NXPH1: variants seen among roughly 807,000 people sequenced by gnomAD.
The protein encoded by NXPH1 is neurexophilin 1.
Under a neutral mutation model 23.7 loss-of-function variants are expected in NXPH1, and 5 were observed. The observed-to-expected ratio is 0.21, with a 90% CI of 0.11 to 0.44. The LOEUF (loss-of-function observed/expected upper bound fraction) is 0.44, where lower values mean the gene tolerates loss of function less well. Ranked by LOEUF, NXPH1 falls within the 20% of genes least tolerant of loss-of-function variation. The pLI, the probability that NXPH1 is intolerant of heterozygous loss-of-function variation, is 0.99. For missense variants in NXPH1, 324 were observed against 321.6 expected (o/e 1.01, Z -0.06); for synonymous variants, 144 against 122.2 (o/e 1.18, Z -1.18).
At chr7:8,746,129 A>G (rs1383168739) in intron 2 of NXPH1, among the ~76,000 whole-genome samples, 5 of 152,168 alleles carry the variant, frequency 3.3e-5, no homozygotes, top group Non-Finnish European at 7.3e-5. Flanking sequence ...ATTCCACTCA[A>G]TATTCTTGTA....
intron 2 of NXPH1, among the ~76,000 whole-genome samples, chr7:8,703,024 G>T (rs920056765): frequency 3.9e-5 from 6 of 152,086 alleles, no homozygotes; most frequent in African/African-American, 1.4e-4. Context: ...GGGCACATGA[G>T]GAGGCTAGAC....
intron 2 of NXPH1, among the ~76,000 whole-genome samples, chr7:8,739,236 G>C (rs973368537): frequency 7.0e-6 from 1 of 142,660 alleles, no homozygotes; most frequent in Non-Finnish European, 1.5e-5. Flanking sequence ...TGCCCAAATG[G>C]CCACCCAGTT....
At position 8,726,338 on chromosome 7, in the gene NXPH1, A is replaced by G. The variant is rs191179991; in HGVS notation, c.55-24670A>G. 1.5e-4 allele frequency among the ~76,000 whole-genome samples: 22 copies of G among 149,762 alleles called. No individual in the cohort carries two copies. The East Asian group carries it at 3.7e-3, about 25-fold the overall frequency. ...TCATTTTTTTGTTTGTTTTTTTTAA[A>G]TGTATTATTATTATACTTTAAGTTT... On this transcript the variant is annotated intron_variant, in intron 2 of 2. Transcript: ENST00000405863.
chr7:8,721,246 A>ACATATATG (rs1779965506), intron 2 of NXPH1, among the ~76,000 whole-genome samples: 1 of 152,148 alleles, frequency 6.6e-6, no homozygotes, highest in Admixed American at 6.5e-5. Flanking sequence ...ACACATACAT[A>ACATATATG]CATATATGCA....
At chr7:8,538,628 A>T (rs1482289160) in intron 2 of NXPH1, among the ~76,000 whole-genome samples, 2 of 151,946 alleles carry the variant, frequency 1.3e-5, no homozygotes, top group African/African-American at 4.8e-5. Flanking sequence ...TTAATTATCA[A>T]CTTTTCCCCC....
chr7:8,506,334 G>A (rs762213288), intron 2 of NXPH1, among the ~76,000 whole-genome samples: 16 of 152,080 alleles, frequency 1.1e-4, no homozygotes, highest in Non-Finnish European at 2.4e-4. Context: ...CTGAGACCTA[G>A]GAGCAAGGGA....
intron 2 of NXPH1, among the ~76,000 whole-genome samples, chr7:8,748,423 C>T (rs1421159849): frequency 2.0e-5 from 3 of 152,164 alleles, no homozygotes; most frequent in African/African-American, 4.8e-5. Flanking sequence ...CACTAATGGC[C>T]GTCTGATAGC....
intron 2 of NXPH1, among the ~76,000 whole-genome samples, chr7:8,477,414 T>C (rs1816994343): frequency 6.6e-6 from 1 of 152,140 alleles, no homozygotes; most frequent in Non-Finnish European, 1.5e-5. Context: ...CAAGCTGAGT[T>C]GTTAATCCAG....
At chr7:8,632,009 T>C (rs1345028850) in intron 2 of NXPH1, among the ~76,000 whole-genome samples, 1 of 152,142 alleles carries the variant, frequency 6.6e-6, no homozygotes, top group African/African-American at 2.4e-5. Flanking sequence ...AGGGTATTCT[T>C]TACTGTGCCT....
In NXPH1 at chr7:8,557,558, C is replaced by T. The variant is rs73235707; in HGVS notation, c.54+121791C>T. ...TTTGTAGACTAGAGCTAATGTCAAC[C>T]GCCTTTAAGGGTTTTGATGACAGAA... is the stretch of plus-strand genomic sequence containing the variant. On this transcript the variant is annotated intron_variant, in intron 2 of 2. Coordinates refer to ENST00000405863, the MANE Select transcript of NXPH1 (RefSeq NM_152745.3). Among the ~76,000 whole-genome samples, 1,418 of 151,728 alleles carry T rather than the reference C, an allele frequency of 9.3e-3. 34 individuals carry two copies. The highest frequency in any genetic ancestry group is 0.032 in the African/African-American group (1,345 of 41,454).
intron 2 of NXPH1, among the ~76,000 whole-genome samples, chr7:8,691,578 A>G (rs989853289): frequency 6.6e-6 from 1 of 152,220 alleles, no homozygotes; most frequent in Non-Finnish European, 1.5e-5. Flanking sequence ...ACCAAATACA[A>G]TTTTTTAAAT....
chr7:8,455,307 G>A (rs941965250), intron 2 of NXPH1, among the ~76,000 whole-genome samples: 2 of 152,120 alleles, frequency 1.3e-5, no homozygotes, highest in Admixed American at 1.3e-4. Context: ...CACTTTAAAC[G>A]ACTAATCCTG....
intron 2 of NXPH1, among the ~76,000 whole-genome samples, chr7:8,682,711 G>A (rs1162877319): frequency 6.6e-6 from 1 of 152,126 alleles, no homozygotes; most frequent in Non-Finnish European, 1.5e-5. Context: ...ATAAATAGAA[G>A]TATTGACCAT....
intron 2 of NXPH1, among the ~76,000 whole-genome samples, chr7:8,735,226 C>T (rs951105016): frequency 2.6e-5 from 4 of 152,094 alleles, no homozygotes; most frequent in African/African-American, 9.7e-5. Context: ...TGCCAGTTTT[C>T]CAAGGGAGTG....
intron 2 of NXPH1, among the ~76,000 whole-genome samples, chr7:8,716,801 A>G (rs573374071): frequency 6.6e-6 from 1 of 152,300 alleles, no homozygotes; most frequent in African/African-American, 2.4e-5. Context: ...ACTAGTTGGT[A>G]AACAGTCATT....
At chr7:8,499,658 T>C (rs1425780406) in intron 2 of NXPH1, among the ~76,000 whole-genome samples, 6 of 152,052 alleles carry the variant, frequency 3.9e-5, no homozygotes, top group African/African-American at 9.7e-5. Context: ...TCAATACTCA[T>C]GCCTAGTGGG....
chr7:8,501,360 A>C (rs1177123724), intron 2 of NXPH1, among the ~76,000 whole-genome samples: 2 of 152,012 alleles, frequency 1.3e-5, no homozygotes, highest in African/African-American at 4.8e-5. Context: ...TATGACTACA[A>C]ATCATAGCCT....
Position 8,710,647 on chromosome 7 carries a change from GT to G in NXPH1, c.55-40335del, listed in dbSNP as rs1424880912. On this transcript the variant is annotated intron_variant, in intron 2 of 2. Coordinates refer to ENST00000405863, the MANE Select transcript of NXPH1 (RefSeq NM_152745.3). Reference sequence around the variant, plus strand: ...AAGCATGTCAACTGTTACGTTTTTTGTTTTTTTTTTTTTTTTTTTTTTTTTT... The same window carrying G: ...AAGCATGTCAACTGTTACGTTTTTTGTTTTTTTTTTTTTTTTTTTTTTTTT... Among the ~76,000 whole-genome samples the G allele has an allele frequency of 7.7e-5, 4 of 51,718 alleles. 1 individual carries two copies. Among genetic ancestry groups the G allele is most frequent in the Non-Finnish European group, 1.1e-4 (3 of 27,798 alleles). The allele number at this position is 51,718 out of a possible 152,430, so 33.9% of individuals were successfully genotyped here.
chr7:8,660,513 T>G (rs1430570952), intron 2 of NXPH1, among the ~76,000 whole-genome samples: 2 of 152,220 alleles, frequency 1.3e-5, no homozygotes, highest in East Asian at 3.8e-4. Context: ...TTTTAAAGAT[T>G]GCAATGCCAA....
Sources: allele counts gnomAD v4.1 joint callset (sites outside exome capture counted in the v4.1 genomes callset), GRCh38; gene constraint gnomAD v4.1.1; transcripts MANE v1.5; gene names NCBI Gene and HGNC (gene_info 2026-07-23, HGNC 2026-07-21).